The following MSTO1 variants were observed in gnomAD, a reference collection of about 807,000 sequenced individuals.
MSTO1 encodes the protein misato mitochondrial distribution and morphology regulator 1.
MSTO1 carries 24 observed loss-of-function variants against 55.7 expected under a neutral mutation model. The ratio of observed to expected loss-of-function variants is 0.43; its 90% CI spans 0.31 to 0.61. The LOEUF is 0.61. Ranked by LOEUF, MSTO1 falls within the 20% of genes least tolerant of loss-of-function variation. The probability of loss-of-function intolerance (pLI) is 0.09; values close to 1 mark genes in which losing one functional copy is unlikely to be tolerated. For missense variants in MSTO1, 363 were observed against 625.7 expected, an observed-to-expected ratio of 0.58 and a Z score of 4.48; for synonymous variants, 162 against 252.8, an observed-to-expected ratio of 0.64 and a Z score of 3.41.
At chr1:155,578,557 C>A in the MSTO1 span, among the ~76,000 whole-genome samples, 2 of 141,906 alleles carry the variant, frequency 1.4e-5, no homozygotes, top group Non-Finnish European at 3.0e-5. Context: ...TTAGCCCAGG[C>A]CAGACTGCAG....
the MSTO1 span, chr1:155,590,975 C>A: frequency 2.4e-5 from 39 of 1,613,850 alleles, no homozygotes; most frequent in Admixed American, 5.3e-4. Flanking sequence ...GCAAGGTAGA[C>A]CAGCAAGCCG....
At chr1:155,600,599 G>A in the MSTO1 span, among the ~76,000 whole-genome samples, 1 of 150,558 alleles carries the variant, frequency 6.6e-6, no homozygotes, top group Admixed American at 6.6e-5. Context: ...CCAGACTGGA[G>A]TGCAGTGGCA....
the MSTO1 span, among the ~76,000 whole-genome samples, chr1:155,602,651 C>T: frequency 6.6e-6 from 1 of 152,110 alleles, no homozygotes; most frequent in Non-Finnish European, 1.5e-5. Flanking sequence ...ATAACTGTAT[C>T]ATTTTTAATT....
At chr1:155,574,894 G>A in the MSTO1 span, among the ~76,000 whole-genome samples, 1 of 136,132 alleles carries the variant, frequency 7.3e-6, no homozygotes, top group Non-Finnish European at 1.5e-5. Flanking sequence ...TTTTTGAGAC[G>A]GAGTCTCCTG....
chr1:155,611,363 G>A (rs566901542), intron 4 of MSTO1, 72 bp downstream of exon 4: 11 of 1,613,234 alleles, frequency 6.8e-6, no homozygotes, highest in African/African-American at 1.3e-5. Context: ...CAGGTAAACG[G>A]GGATTTTAAT....
upstream of MSTO1, among the ~76,000 whole-genome samples, chr1:155,609,390 C>T (rs1263089080): frequency 1.3e-5 from 2 of 149,418 alleles, no homozygotes; most frequent in African/African-American, 2.5e-5. Context: ...GGACTACAGG[C>T]GCCCGCCACC....
Position 155,612,334 on chromosome 1 carries a change from A to G in MSTO1, c.813+18A>G, listed in dbSNP as rs1759004. 6.3e-7 allele frequency: 1 copy of G among 1,576,354 alleles called. No individual in the cohort carries two copies. Among genetic ancestry groups the G allele is most frequent in the Non-Finnish European group, 8.6e-7 (1 of 1,160,020 alleles). On this transcript the variant is annotated intron_variant, in intron 8 of 13. Transcript: ENST00000245564. ...ATCGTGGGGTGAGTGGAACTTAGAG[A>G]AGTAAACAGTCACACAGTGGGGAGG...
the MSTO1 span, among the ~76,000 whole-genome samples, chr1:155,589,971 A>T: frequency 6.2e-5 from 9 of 144,410 alleles, no homozygotes; most frequent in Non-Finnish European, 4.5e-5. Flanking sequence ...CTAACAAAAC[A>T]TGCTTTATTT....
At chr1:155,607,400 TCCTGACCTTGTGATCCGCCTG>T (rs1450405404), upstream of MSTO1, among the ~76,000 whole-genome samples, 2 of 151,980 alleles carry the variant, frequency 1.3e-5, no homozygotes, top group African/African-American at 4.8e-5. Context: ...GGTCTCGAAC[TCCTGACCTTGTGATCCGCCTG>T]CCTCGGCCTC....
the MSTO1 span, among the ~76,000 whole-genome samples, chr1:155,585,540 A>G: frequency 6.6e-6 from 1 of 151,304 alleles, no homozygotes; most frequent in Non-Finnish European, 1.5e-5. Flanking sequence ...AAAAAAAAAA[A>G]GAAAAGTGAA....
chr1:155,571,012 G>A, the MSTO1 span, among the ~76,000 whole-genome samples: 1 of 152,100 alleles, frequency 6.6e-6, no homozygotes, highest in Non-Finnish European at 1.5e-5. Flanking sequence ...ATTATTTCTA[G>A]CAAAAACACC....
chr1:155,576,402 C>T, the MSTO1 span, among the ~76,000 whole-genome samples: 5 of 152,062 alleles, frequency 3.3e-5, no homozygotes, highest in African/African-American at 1.2e-4. Flanking sequence ...TCTCAGCTCA[C>T]TGCAACTTCC....
At chr1:155,609,232 TA>T (rs1673239340), upstream of MSTO1, among the ~76,000 whole-genome samples, 3 of 49,622 alleles carry the variant, frequency 6.0e-5, no homozygotes, top group South Asian at 7.8e-4. Flanking sequence ...TATATATATA[TA>T]TATATATATA....
At chr1:155,608,924 A>G (rs1049411914), upstream of MSTO1, among the ~76,000 whole-genome samples, 535 of 149,334 alleles carry the variant, frequency 3.6e-3, 4 homozygotes, top group Non-Finnish European at 6.3e-3. Flanking sequence ...TCCCAGGTTC[A>G]AATGATTCCC....
the MSTO1 span, among the ~76,000 whole-genome samples, chr1:155,605,180 G>A: frequency 6.6e-5 from 10 of 152,256 alleles, no homozygotes; most frequent in African/African-American, 2.4e-4. Context: ...AGAGTCACTT[G>A]AACCTGGGAT....
At chr1:155,573,442 G>C in the MSTO1 span, among the ~76,000 whole-genome samples, 1 of 152,094 alleles carries the variant, frequency 6.6e-6, no homozygotes, top group Admixed American at 6.6e-5. Flanking sequence ...GCACACGCCT[G>C]TAATGCCAGC....
the MSTO1 span, among the ~76,000 whole-genome samples, chr1:155,578,345 T>TTTC: frequency 9.9e-6 from 1 of 101,216 alleles, no homozygotes; most frequent in East Asian, 3.3e-4. Context: ...TCTTTTTTTT[T>TTTC]TTTTTTTTTT....
the MSTO1 span, among the ~76,000 whole-genome samples, chr1:155,601,032 C>T: frequency 7.1e-6 from 1 of 140,086 alleles, no homozygotes. Flanking sequence ...GTTGGTCTGG[C>T]TGGTCTCAAG....
chr1:155,588,287 G>T, the MSTO1 span, among the ~76,000 whole-genome samples: 1 of 150,986 alleles, frequency 6.6e-6, no homozygotes. Context: ...ACGTGAAAAA[G>T]ACCATTCTGC....
Sources: allele counts gnomAD v4.1 joint callset (sites outside exome capture counted in the v4.1 genomes callset), GRCh38; gene constraint gnomAD v4.1.1; transcripts MANE v1.5; gene names NCBI Gene and HGNC (gene_info 2026-07-23, HGNC 2026-07-21).